OBSL1: variants seen among roughly 807,000 people sequenced by gnomAD.
OBSL1 encodes the protein obscurin like cytoskeletal adaptor 1, also known as obscurin-like protein 1.
Under a neutral mutation model 172.0 loss-of-function variants are expected in OBSL1, and 160 were observed. The observed-to-expected ratio is 0.93, with a 90% CI of 0.82 to 1.06. OBSL1 has a LOEUF of 1.06. OBSL1 is among the 50% of genes least tolerant of loss of function. OBSL1 has a pLI of 0.00. For missense variants in OBSL1, 2,681 were observed against 2,715.4 expected (o/e 0.99, Z 0.28); for synonymous variants, 1,200 against 1,196.3 (o/e 1.00, Z -0.06).
In OBSL1 at chr2:219,565,264, G is replaced by A. The variant is rs1228938747; in HGVS notation, c.2385C>T (p.Ala795=). 3.1e-6 allele frequency: 5 copies of A among 1,611,690 alleles called. No individual in the cohort carries two copies. In the East Asian group the frequency reaches 1.1e-4, roughly 36 times the overall value. The change falls in exon 6 of 21, where the codon GCC becomes GCT. Residue 795 remains alanine, a synonymous_variant. Transcript: ENST00000404537. ...EFECRTEGVS[A]FFGVTVQDPP... ...GACCTTGGACAGTGACGCCGAAGAA[G>A]GCCGAGACCCCTTCTGTCCTGCACT...
downstream of OBSL1, chr2:219,549,330 C>G: frequency 6.2e-7 from 1 of 1,613,494 alleles, no homozygotes; most frequent in Non-Finnish European, 8.5e-7. Context: ...CCATCAAACG[C>G]TTCAATGGAG....
Position 219,571,259 on chromosome 2 carries a change from G to A in OBSL1, c.-27C>T, listed in dbSNP as rs1330956807. ...GCGGCGGCCGACCGCCTGCAGCGGC[G>A]AACGGTGGGGGGGCAGGGGGGGGTG... On this transcript the variant is annotated 5_prime_UTR_variant, in exon 1 of 21. Coordinates refer to ENST00000404537, the MANE Select transcript of OBSL1 (RefSeq NM_015311.3). 2 of 1,204,454 alleles carry A rather than the reference G, an allele frequency of 1.7e-6. No homozygotes were observed. Among genetic ancestry groups the A allele is most frequent in the Admixed American group, 7.6e-5 (2 of 26,144 alleles). 74.6% of individuals were successfully genotyped at this position (1,204,454 alleles called of 1,614,324 possible). A position where few individuals can be genotyped will look rare whatever the true frequency, so the allele number is the denominator to read the frequency against.
chr2:219,557,395 C>T lies in OBSL1; in HGVS notation c.4014G>A (p.Glu1338=). The T allele has an allele frequency of 6.5e-7, 1 of 1,543,642 alleles. No individual in the cohort carries two copies. The highest frequency in any genetic ancestry group is 2.4e-5 in the East Asian group (1 of 41,000). ...VQGARSGDAG[E]YLCDAPQDSR... ...TGTCCTGGGGCGCATCGCACAGGTA[C>T]TCCCCAGCGTCCCCGCTCCGTGCCC... The change falls in exon 12 of 21, where the codon GAG becomes GAA. Residue 1338 remains glutamate (E), a synonymous_variant. Transcript: ENST00000404537.
rs1200063872 is a variant in OBSL1, at chr2:219,556,050, C to T, written c.4579G>A (p.Asp1527Asn). ...QGTYGCESHHDRTLARLSVRP... is the reference protein window; with the variant it reads ...QGTYGCESHHNRTLARLSVRP... ...ACGCTGAGCCTGGCCAGGGTGCGAT[C>T]GTGGTGGCTCTCGCAGCCGTAGGTG... Residue 1527 changes from aspartate to asparagine, a missense_variant, in exon 14 of 21, where the codon GAT becomes AAT. Physicochemically the swap from Asp to Asn is conservative, Grantham distance 23 (BLOSUM62 1). Coordinates refer to ENST00000404537, the MANE Select transcript of OBSL1 (RefSeq NM_015311.3). 10 of 1,613,648 alleles carry T rather than the reference C, an allele frequency of 6.2e-6. No individual in the cohort carries two copies. Among genetic ancestry groups the T allele is most frequent in the Admixed American group, 3.3e-5 (2 of 60,032 alleles).
Position 219,558,039 on chromosome 2 carries a change from C to T in OBSL1, c.3574G>A (p.Val1192Met). The change falls in exon 11 of 21, where the codon GTG (valine) becomes ATG (methionine). Residue 1192 changes from valine (V) to methionine (M), a missense_variant. Val to Met is a conservative substitution (Grantham distance 21). This residue lies in a region of OBSL1 where 1,765 missense variants were observed against 1,748.3 expected (regional missense o/e 1.01). Transcript: ENST00000404537. ...GCCCGGGACAGTTCACAGCTCAGCA[C>T]CACTGGCTCCCCAGGGGCCACACAG... ...PLCVAPGEPV[V>M]LSCELSRAGA... The T allele has an allele frequency of 2.5e-6, 4 of 1,613,540 alleles. No homozygotes were observed. The highest frequency in any genetic ancestry group is 3.4e-6 in the Non-Finnish European group (4 of 1,179,826).
rs778283995 is a variant in OBSL1 at position 219,552,854 on chromosome 2, C to A, written c.5146+14G>T. On this transcript the variant is annotated intron_variant, in intron 17 of 20. Coordinates refer to ENST00000404537, the MANE Select transcript of OBSL1 (RefSeq NM_015311.3). ...CCAAAGCAGTGCCCAGCCTCCACAT[C>A]ACCCCGTACCCACCGCGCACGGTCA... 6.5e-7 allele frequency: 1 copy of A among 1,542,582 alleles called. No homozygotes were observed.
Position 219,563,387 on chromosome 2 carries a change from T to C in OBSL1, c.2648A>G (p.Asp883Gly). 6.2e-7 allele frequency: 1 copy of C among 1,601,124 alleles called. No homozygotes were observed. ...DGGEFQCVAG[D>G]ECAYFTVTIT... ...GGTGACAGTGAAGTAGGCACACTCA[T>C]CTCCAGCGACGCACTGAAACTCGCC... Residue 883 changes from aspartate to glycine, a missense_variant, in exon 7 of 21, where the codon GAT becomes GGT. Physicochemically the swap from Asp to Gly is moderately conservative, Grantham distance 94 (BLOSUM62 -1). Coordinates refer to ENST00000404537, the MANE Select transcript of OBSL1 (RefSeq NM_015311.3).
At position 219,563,596 on chromosome 2, in the gene OBSL1, T is replaced by C; in HGVS notation, c.2439A>G (p.Glu813=). The C allele has an allele frequency of 6.2e-7, 1 of 1,613,542 alleles. No homozygotes were observed. ...DPPVHIVDPR[E]HVFVHAITSE... ...AAGTTATGGCATGCACGAACACATGTTCTCGGGGGTCCACGATGTGCACGG... is the reference window on the plus strand; with the variant it reads ...AAGTTATGGCATGCACGAACACATGCTCTCGGGGGTCCACGATGTGCACGG... Residue 813 remains glutamate, a synonymous_variant, in exon 7 of 21, where the codon GAA becomes GAG. Transcript: ENST00000404537.
downstream of OBSL1, chr2:219,549,783 A>G (rs776291458): frequency 2.5e-6 from 4 of 1,614,070 alleles, no homozygotes; most frequent in East Asian, 8.9e-5. Context: ...GGCCTCACCC[A>G]CAGATGCGGA....
rs1405820248 is a variant in OBSL1, at chr2:219,570,424, A to G, written c.809T>C (p.Met270Thr). ...GKHAKFRCYV[M>T]GKPEPEIEWH... ...TTCGATCTCGGGCTCGGGCTTGCCC[A>G]TCACGTAGCAGCGGAACTTGGCGTG... The change falls in exon 1 of 21, where the codon ATG becomes ACG. Residue 270 changes from methionine to threonine, a missense_variant. By Grantham distance (81) the Met-to-Thr change is moderately conservative. Transcript: ENST00000404537. The G allele has an allele frequency of 1.9e-6, 3 of 1,613,236 alleles. No individual in the cohort carries two copies. In the South Asian group the frequency reaches 3.3e-5, roughly 18 times the overall value.
intron 20 of OBSL1, chr2:219,551,237 G>A (rs898371656): frequency 5.9e-5 from 82 of 1,396,134 alleles, no homozygotes; most frequent in Non-Finnish European, 7.6e-5. Flanking sequence ...TAGAAACAGG[G>A]CTGTTCAAGA....
rs1394297547 is a variant in OBSL1, at chr2:219,552,116, C to T, written c.5409G>A (p.Val1803=). The T allele has an allele frequency of 6.2e-7, 1 of 1,608,384 alleles. No homozygotes were observed. Among genetic ancestry groups the T allele is most frequent in the Admixed American group, 1.7e-5 (1 of 59,462 alleles). Residue 1803 remains valine, a synonymous_variant, in exon 19 of 21, where the codon GTG becomes GTA. Coordinates refer to ENST00000404537, the MANE Select transcript of OBSL1 (RefSeq NM_015311.3). ...GCTCCCACCCCAGGTGCTTACCCTC[C>T]ACTTCCAGTAGAGCCAGGGACTGGG... ...GPAQSLALLE[V]EALPLQMCRH...
chr2:219,562,990 T>C, intron 7 of OBSL1: 1 of 478,616 alleles, frequency 2.1e-6, no homozygotes, highest in Non-Finnish European at 3.7e-6. Context: ...GAGAGGAGGG[T>C]TGGGGGGAGG....
chr2:219,558,567 A>G (rs1041439251), intron 9 of OBSL1, 108 bp from the exon 10 acceptor site: 17 of 1,281,696 alleles, frequency 1.3e-5, no homozygotes, highest in Non-Finnish European at 1.7e-5. Flanking sequence ...TCTTGAGAAC[A>G]GTGCCAGCTG....
chr2:219,558,745 CAGAA>C lies in OBSL1; in HGVS notation c.3227-290_3227-287del, dbSNP rs549544165. Among the ~76,000 whole-genome samples, 374 of 152,140 alleles carry C rather than the reference CAGAA, an allele frequency of 2.5e-3. 1 individual carries two copies. The highest frequency in any genetic ancestry group is 8.4e-3 in the African/African-American group (347 of 41,526). On this transcript the variant is annotated intron_variant, in intron 9 of 20. Coordinates refer to ENST00000404537, the MANE Select transcript of OBSL1 (RefSeq NM_015311.3). ...ACTGACTTGCCTAAGGTCACACAGA[CAGAA>C]AGAGGCAGATCTAGACTCACACCCA...
At chr2:219,549,066 AGC>A, downstream of OBSL1, 1 of 1,484,682 alleles carries the variant, frequency 6.7e-7, no homozygotes, top group East Asian at 2.3e-5. Flanking sequence ...GGAAGCCTAG[AGC>A]CACAGGTGGG....
At position 219,567,560 on chromosome 2, in the gene OBSL1, G is replaced by A. The variant is rs1697003977; in HGVS notation, c.1550C>T (p.Pro517Leu). 1.2e-6 allele frequency: 2 copies of A among 1,611,510 alleles called. No homozygotes were observed. The highest frequency in any genetic ancestry group is 1.3e-5 in the African/African-American group (1 of 75,004). The change falls in exon 4 of 21, where the codon CCC becomes CTC. Residue 517 changes from proline (P) to leucine (L), a missense_variant. Physicochemically the swap from Pro to Leu is moderately conservative, Grantham distance 98. Coordinates refer to ENST00000404537, the MANE Select transcript of OBSL1 (RefSeq NM_015311.3). ...CTCTGCCAATATGGGGGGTCCTGGG[G>A]GACTGTGCTTGACACCTGAGACCAA... ...LLRVKCVKHS[P>L]PGPPILAEMF...
In OBSL1 at chr2:219,571,277, GGGGGGTGCGGA is replaced by G; in HGVS notation, c.-56_-46del. On this transcript the variant is annotated 5_prime_UTR_variant, in exon 1 of 21. Coordinates refer to ENST00000404537, the MANE Select transcript of OBSL1 (RefSeq NM_015311.3). ...CAGCGGCGAACGGTGGGGGGGCAGG[GGGGGGTGCGGA>G]GGGCGAGCCGAGGCCCGGGGCGGCG... The G allele has an allele frequency of 1.7e-5, 19 of 1,086,816 alleles. No individual in the cohort carries two copies. The highest frequency in any genetic ancestry group is 3.6e-5 in the South Asian group (1 of 27,776). The allele number at this position is 1,086,816 out of a possible 1,614,324, so 67.3% of individuals were successfully genotyped here. A position where few individuals can be genotyped will look rare whatever the true frequency, so the allele number is the denominator to read the frequency against.
In OBSL1 at chr2:219,559,266, TCA is replaced by T. The variant is rs1163027239; in HGVS notation, c.3183_3184del (p.Cys1061Ter). 1 of 1,612,438 alleles carries T rather than the reference TCA, an allele frequency of 6.2e-7. No individual in the cohort carries two copies. The highest frequency in any genetic ancestry group is 2.2e-5 in the East Asian group (1 of 44,850). ...GAAGAAGGCCGAGTCATCTCCAGCA[TCA>T]CATACAAACTCGCCCCCGTCCTCGG... On this transcript the variant is annotated stop_gained and frameshift_variant, in exon 9 of 21. Coordinates refer to ENST00000404537, the MANE Select transcript of OBSL1 (RefSeq NM_015311.3). LOFTEE classifies it high-confidence loss of function.
Sources: gnomAD v4.1 joint callset for allele counts (sites outside exome capture counted in the v4.1 genomes callset) on GRCh38, gnomAD v4.1.1 for gene constraint, gnomAD v4.1.1 regional missense constraint, MANE v1.5 for transcripts, NCBI Gene and HGNC (gene_info 2026-07-23, HGNC 2026-07-21) for gene names.